Variants in GNAT3 observed in about 807,000 individuals in gnomAD.
GNAT3 encodes the protein G protein subunit alpha transducin 3, also known as guanine nucleotide-binding protein G(t) subunit alpha-3.
GNAT3 carries 31 observed loss-of-function variants against 37.7 expected under a neutral mutation model. That is an observed-to-expected ratio of 0.82 (90% CI 0.62 to 1.11). The LOEUF is 1.11. Among genes scored for constraint, GNAT3 ranks in the 50% most tolerant of loss-of-function variants. The probability of loss-of-function intolerance (pLI) is 0.00; values close to 1 mark genes in which losing one functional copy is unlikely to be tolerated. For synonymous variants in GNAT3, 138 were observed against 139.8 expected (o/e 0.99, Z 0.09); for missense variants, 437 against 412.5 (o/e 1.06, Z -0.51).
chr7:80,508,033 G>A (rs142790047), intron 1 of GNAT3, among the ~76,000 whole-genome samples: 1 of 151,524 alleles, frequency 6.6e-6, no homozygotes, highest in East Asian at 1.9e-4. Flanking sequence ...TTACAATATA[G>A]CACAAAGAAA....
intron 3 of GNAT3, among the ~76,000 whole-genome samples, chr7:80,480,808 TG>T (rs779757627): frequency 3.3e-5 from 5 of 152,138 alleles, no homozygotes; most frequent in Non-Finnish European, 7.4e-5. Context: ...AGCTTCTTAC[TG>T]CAGCCTGTTT....
chr7:80,506,808 T>C (rs1790952738), intron 1 of GNAT3, among the ~76,000 whole-genome samples: 1 of 152,168 alleles, frequency 6.6e-6, no homozygotes, highest in Non-Finnish European at 1.5e-5. Context: ...TTGAAATATA[T>C]ATACATTGTG....
chr7:80,471,298 G>A (rs1171126623), intron 5 of GNAT3, among the ~76,000 whole-genome samples: 2 of 151,232 alleles, frequency 1.3e-5, no homozygotes, highest in Non-Finnish European at 2.9e-5. Context: ...TGATTCAAAT[G>A]TTAATCTCCT....
At chr7:80,475,630 G>A (rs1790290264) in intron 4 of GNAT3, among the ~76,000 whole-genome samples, 1 of 152,004 alleles carries the variant, frequency 6.6e-6, no homozygotes, top group South Asian at 2.1e-4. Flanking sequence ...GTTAAAAATT[G>A]TTTGTTCAGT....
chr7:80,498,177 A>G (rs1406856390), intron 1 of GNAT3, among the ~76,000 whole-genome samples: 1 of 152,138 alleles, frequency 6.6e-6, no homozygotes, highest in Admixed American at 6.5e-5. Flanking sequence ...TACTTCATAA[A>G]TATGGCCATT....
chr7:80,510,152 C>A (rs1250812085), intron 1 of GNAT3, among the ~76,000 whole-genome samples: 1 of 152,092 alleles, frequency 6.6e-6, no homozygotes, highest in Admixed American at 6.6e-5. Flanking sequence ...CCACCCTAGC[C>A]CCTAGAAACC....
chr7:80,489,660 A>G (rs1436679656), intron 2 of GNAT3, among the ~76,000 whole-genome samples: 1 of 152,126 alleles, frequency 6.6e-6, no homozygotes, highest in Non-Finnish European at 1.5e-5. Context: ...TTTGATTACA[A>G]ATCATTGCTG....
intron 2 of GNAT3, among the ~76,000 whole-genome samples, chr7:80,494,193 A>C (rs906695182): frequency 2.6e-5 from 4 of 152,220 alleles, no homozygotes; most frequent in Non-Finnish European, 5.9e-5. Flanking sequence ...ATCACAATTC[A>C]TGATAGTAAT....
intron 5 of GNAT3, among the ~76,000 whole-genome samples, chr7:80,470,240 G>C (rs1389566695): frequency 6.8e-6 from 1 of 146,514 alleles, no homozygotes; most frequent in Non-Finnish European, 1.5e-5. Flanking sequence ...TTCTTTTTTT[G>C]AGACAGAGTC....
At chr7:80,470,717 C>T (rs1390418295) in intron 5 of GNAT3, among the ~76,000 whole-genome samples, 1 of 152,144 alleles carries the variant, frequency 6.6e-6, no homozygotes, top group Admixed American at 6.5e-5. Flanking sequence ...AATCACAAAA[C>T]TACAAAAGGA....
intron 1 of GNAT3, among the ~76,000 whole-genome samples, chr7:80,497,580 GTA>G (rs1790745148): frequency 1.5e-5 from 2 of 129,514 alleles, no homozygotes; most frequent in African/African-American, 2.9e-5. Flanking sequence ...ATACATATAC[GTA>G]TATACATATA....
intron 7 of GNAT3, among the ~76,000 whole-genome samples, chr7:80,461,404 C>T (rs1452726074): frequency 1.3e-5 from 2 of 152,010 alleles, no homozygotes; most frequent in African/African-American, 4.8e-5. Flanking sequence ...CGAAAATTAA[C>T]TGGGTGTTGT....
chr7:80,497,657 CATATACGTATATACATACATATAT>C (rs1790756953), intron 1 of GNAT3, among the ~76,000 whole-genome samples: 1 of 112,966 alleles, frequency 8.9e-6, no homozygotes, highest in African/African-American at 5.0e-5. Context: ...TACGTATATA[CATATACGTATATACATACATATAT>C]ACACACACAC....
At chr7:80,476,715 A>G (rs1046116373) in intron 4 of GNAT3, among the ~76,000 whole-genome samples, 1 of 152,174 alleles carries the variant, frequency 6.6e-6, no homozygotes, top group African/African-American at 2.4e-5. Context: ...CACACATTAT[A>G]GTACCAATCT....
At chr7:80,471,110 C>A (rs1009472560) in intron 5 of GNAT3, among the ~76,000 whole-genome samples, 1 of 148,722 alleles carries the variant, frequency 6.7e-6, no homozygotes, top group Non-Finnish European at 1.5e-5. Context: ...TCTGGGAGGG[C>A]GGCTGATGTG....
At chr7:80,464,912 A>G (rs1215184109) in intron 5 of GNAT3, among the ~76,000 whole-genome samples, 1 of 152,138 alleles carries the variant, frequency 6.6e-6, no homozygotes, top group Non-Finnish European at 1.5e-5. Flanking sequence ...AGAGTTCAAT[A>G]GTTAATAGTG....
intron 3 of GNAT3, among the ~76,000 whole-genome samples, chr7:80,483,597 A>G (rs1790427199): frequency 6.6e-6 from 1 of 151,950 alleles, no homozygotes; most frequent in South Asian, 2.1e-4. Context: ...ACAAGGTTCT[A>G]CATGTTTTGA....
At chr7:80,459,113 G>A (rs1790005138) in intron 7 of GNAT3, among the ~76,000 whole-genome samples, 1 of 152,102 alleles carries the variant, frequency 6.6e-6, no homozygotes, top group Non-Finnish European at 1.5e-5. Context: ...ATAAAACAAA[G>A]TGAGTGATAC....
intron 5 of GNAT3, among the ~76,000 whole-genome samples, chr7:80,471,236 G>T: frequency 6.7e-6 from 1 of 149,804 alleles, no homozygotes; most frequent in Admixed American, 6.7e-5. Flanking sequence ...GTTGGCAGCT[G>T]ATTAGATTGT....
Sources: allele counts gnomAD v4.1 joint callset (sites outside exome capture counted in the v4.1 genomes callset), GRCh38; gene constraint gnomAD v4.1.1; transcripts MANE v1.5; gene names NCBI Gene and HGNC (gene_info 2026-07-23, HGNC 2026-07-21).